NRSN1: variants seen among roughly 807,000 people sequenced by gnomAD.
NRSN1 encodes the protein neurensin 1, also known as neurensin-1.
NRSN1 carries 14 observed loss-of-function variants against 17.3 expected under a neutral mutation model. The ratio of observed to expected loss-of-function variants is 0.81; its 90% CI spans 0.54 to 1.27. The LOEUF is 1.27. Ranked by LOEUF, NRSN1 falls within the 50% of genes most tolerant of loss-of-function variation. NRSN1 has a pLI of 0.00. For missense variants in NRSN1, 209 were observed against 235.9 expected (o/e 0.89, Z 0.75); for synonymous variants, 79 against 94.2 (o/e 0.84, Z 0.93).
chr6:24,133,007 C>A (rs563748506), intron 2 of NRSN1, among the ~76,000 whole-genome samples: 1 of 152,146 alleles, frequency 6.6e-6, no homozygotes, highest in Non-Finnish European at 1.5e-5. Flanking sequence ...ACTGACAATT[C>A]CCTTATTCAA....
chr6:24,143,571 A>T (rs1760256269), intron 3 of NRSN1, among the ~76,000 whole-genome samples: 1 of 152,204 alleles, frequency 6.6e-6, no homozygotes. Flanking sequence ...TATGTTATGT[A>T]TCTGGTTATT....
intron 3 of NRSN1, among the ~76,000 whole-genome samples, chr6:24,139,019 A>G (rs1334232096): frequency 1.3e-5 from 2 of 152,218 alleles, no homozygotes; most frequent in Non-Finnish European, 2.9e-5. Flanking sequence ...AACACAATAC[A>G]GTCTTATGGA....
chr6:24,144,422 A>G (rs1339313433), intron 3 of NRSN1, among the ~76,000 whole-genome samples: 1 of 152,196 alleles, frequency 6.6e-6, no homozygotes, highest in African/African-American at 2.4e-5. Flanking sequence ...GAATGTCACC[A>G]TAGGGGACTG....
At chr6:24,142,333 T>A (rs1468096816) in intron 3 of NRSN1, among the ~76,000 whole-genome samples, 1 of 151,114 alleles carries the variant, frequency 6.6e-6, no homozygotes, top group Non-Finnish European at 1.5e-5. Flanking sequence ...GAAAGAAATA[T>A]ACAAAATAGT....
intron 3 of NRSN1, among the ~76,000 whole-genome samples, chr6:24,135,445 T>A (rs1394592604): frequency 1.3e-5 from 2 of 151,978 alleles, no homozygotes; most frequent in Non-Finnish European, 2.9e-5. Flanking sequence ...TGGAGTGGGG[T>A]GAGAAAAGGG....
chr6:24,139,188 A>G (rs1760160874), intron 3 of NRSN1, among the ~76,000 whole-genome samples: 1 of 152,220 alleles, frequency 6.6e-6, no homozygotes, highest in Non-Finnish European at 1.5e-5. Context: ...CATATAAGGA[A>G]GATCATGAGA....
chr6:24,126,526 G>A (rs1759950997), intron 1 of NRSN1, among the ~76,000 whole-genome samples, 186 bp downstream of exon 1: 1 of 151,904 alleles, frequency 6.6e-6, no homozygotes, highest in South Asian at 2.1e-4. Context: ...CAAAAAACAT[G>A]CGTATTAAAA....
chr6:24,128,854 C>G, intron 2 of NRSN1: 1 of 152,146 alleles, frequency 6.6e-6, no homozygotes, highest in South Asian at 2.1e-4. Context: ...TGTGCCTGGC[C>G]TCACAACTGA....
chr6:24,145,447 A>C lies in NRSN1; in HGVS notation c.190-101A>C. On this transcript the variant is annotated intron_variant, in intron 3 of 3. Transcript: ENST00000378491. This position sits in a 1 kb window ranked among gnomAD's most constrained non-coding sequence, Gnocchi z 4.4. ...AAATTTGGGGTAACTGGGAATATTC[A>C]TTTCTCTCAAGAAACAAGACAAGTG... The C allele has an allele frequency of 1.2e-6, 1 of 858,832 alleles. No homozygotes were observed. The highest frequency in any genetic ancestry group is 2.8e-5 in the East Asian group (1 of 35,982). The allele number at this position is 858,832 out of a possible 1,614,324, so 53.2% of individuals were successfully genotyped here.
chr6:24,134,351 T>C lies in NRSN1; in HGVS notation c.24T>C (p.Cys8=), dbSNP rs1189820295. MSSCSNV[C]GSRQAQAAAE... ...GGATGAGTTCTTGCAGCAACGTCTG[T>C]GGGTCCAGGCAGGCACAGGCTGCAG... The change falls in exon 3 of 4, where the codon TGT becomes TGC. Residue 8 remains cysteine (C), a synonymous_variant. Transcript: ENST00000378491. 32 of 1,614,082 alleles carry C rather than the reference T, an allele frequency of 2.0e-5. No homozygotes were observed. In the East Asian group the frequency reaches 7.1e-4, roughly 36 times the overall value.
At chr6:24,142,212 T>TTTTTTTTTTTTC (rs1484150562) in intron 3 of NRSN1, among the ~76,000 whole-genome samples, 21 of 134,598 alleles carry the variant, frequency 1.6e-4, no homozygotes, top group East Asian at 6.1e-4. Context: ...TTTTTTTTTT[T>TTTTTTTTTTTTC]TTCAGAAGAC....
chr6:24,141,692 G>A (rs10946675), intron 3 of NRSN1, among the ~76,000 whole-genome samples: 64,615 of 152,098 alleles, frequency 0.42, 15,778 homozygotes, highest in Non-Finnish European at 0.53. Context: ...TTTAGCTTCT[G>A]AATGATAGTC....
At chr6:24,132,494 C>A (rs1167857581) in intron 2 of NRSN1, among the ~76,000 whole-genome samples, 1 of 152,146 alleles carries the variant, frequency 6.6e-6, no homozygotes, top group African/African-American at 2.4e-5. Flanking sequence ...TATGTTGTTC[C>A]CCACTTTGTC....
chr6:24,142,818 A>G (rs756513311), intron 3 of NRSN1, among the ~76,000 whole-genome samples: 1 of 152,166 alleles, frequency 6.6e-6, no homozygotes, highest in Non-Finnish European at 1.5e-5. Context: ...TACTGTGAAG[A>G]GCGAAAGAAC....
chr6:24,132,393 A>G (rs1561865485), intron 2 of NRSN1, among the ~76,000 whole-genome samples: 2 of 152,216 alleles, frequency 1.3e-5, no homozygotes, highest in African/African-American at 2.4e-5. Context: ...TGGTTGCTTG[A>G]TAAGTAATTG....
chr6:24,138,783 T>A (rs1760154266), intron 3 of NRSN1, among the ~76,000 whole-genome samples: 1 of 152,164 alleles, frequency 6.6e-6, no homozygotes, highest in South Asian at 2.1e-4. Context: ...CCTTCAAAGT[T>A]TTGCTAGATA....
intron 3 of NRSN1, among the ~76,000 whole-genome samples, chr6:24,142,190 G>GTTTTTT (rs1554140614): frequency 1.0e-4 from 2 of 20,054 alleles, no homozygotes; most frequent in Non-Finnish European, 3.1e-4. Context: ...ATACAGAACA[G>GTTTTTT]CTTTTTTTTT....
intron 1 of NRSN1, among the ~76,000 whole-genome samples, chr6:24,127,716 C>T (rs1310897770): frequency 2.0e-5 from 3 of 151,848 alleles, no homozygotes; most frequent in African/African-American, 7.3e-5. Context: ...ATATATTTTA[C>T]ATTATAAGAC....
Position 24,146,032 on chromosome 6 carries a change from C to A in NRSN1, c.*86C>A. 2 of 1,328,716 alleles carry A rather than the reference C, an allele frequency of 1.5e-6. No homozygotes were observed. The highest frequency in any genetic ancestry group is 2.1e-6 in the Non-Finnish European group (2 of 937,964). The allele number at this position is 1,328,716 out of a possible 1,614,324, so 82.3% of individuals were successfully genotyped here. Reference sequence around the variant, plus strand: ...AGTTTTCGAGATAAAGAAGATTTGGCGTTGACTGCCCTAGGGCTGTGTTCA... The same window carrying A: ...AGTTTTCGAGATAAAGAAGATTTGGAGTTGACTGCCCTAGGGCTGTGTTCA... On this transcript the variant is annotated 3_prime_UTR_variant, in exon 4 of 4. Transcript: ENST00000378491.
Sources: allele counts gnomAD v4.1 joint callset (sites outside exome capture counted in the v4.1 genomes callset), GRCh38; gene constraint gnomAD v4.1.1; non-coding constraint Gnocchi (gnomAD v3.1); transcripts MANE v1.5; gene names NCBI Gene and HGNC (gene_info 2026-07-23, HGNC 2026-07-21).